Variants in DBH observed in about 807,000 individuals in gnomAD.
DBH encodes the protein dopamine beta-hydroxylase (dopamine beta-monooxygenase).
Under a neutral mutation model 64.0 loss-of-function variants are expected in DBH, and 49 were observed. The ratio of observed to expected loss-of-function variants is 0.77; its 90% CI spans 0.61 to 0.97. The LOEUF (loss-of-function observed/expected upper bound fraction) is 0.97. Ranked by LOEUF, DBH falls within the 50% of genes least tolerant of loss-of-function variation. The pLI is 0.00. For missense variants in DBH, 828 were observed against 826.6 expected (o/e 1.00, Z -0.02); for synonymous variants, 343 against 347.1 (o/e 0.99, Z 0.13).
chr9:133,644,460 C>T (rs1044948728), intron 5 of DBH, 140 bp downstream of exon 5: 62 of 752,022 alleles, frequency 8.2e-5, no homozygotes, highest in Middle Eastern at 2.3e-4. Context: ...TTGCGTCTGC[C>T]TCATCCGCTG....
intron 10 of DBH, 97 bp from the exon 11 acceptor site, chr9:133,656,973 G>C: frequency 7.1e-7 from 1 of 1,409,740 alleles, no homozygotes; most frequent in Non-Finnish European, 1.0e-6. Context: ...GGTTGCCCCA[G>C]GGACAGGACT....
At chr9:133,651,249 C>T (rs1384896877) in intron 6 of DBH, among the ~76,000 whole-genome samples, 4 of 152,264 alleles carry the variant, frequency 2.6e-5, no homozygotes, top group African/African-American at 9.6e-5. Context: ...AGCTCTTCAG[C>T]ACAGAGGCCA....
Position 133,650,551 on chromosome 9 carries a change from C to CTTT in DBH, c.1192-1070_1192-1068dup, listed in dbSNP as rs5901024. Among the ~76,000 whole-genome samples, 688 of 112,390 alleles carry CTTT rather than the reference C, an allele frequency of 6.1e-3. 11 individuals are homozygous for CTTT. The highest frequency in any genetic ancestry group is 0.012 in the East Asian group (48 of 4,160). The allele number at this position is 112,390 out of a possible 152,430, so 73.7% of individuals were successfully genotyped here. On this transcript the variant is annotated intron_variant, in intron 6 of 11. Coordinates refer to ENST00000393056, the MANE Select transcript of DBH (RefSeq NM_000787.4). The stretch of plus-strand genomic sequence containing the variant: ...TTCTCTTTTCTTTCTTCCTTCCTTT[C>CTTT]TTTTTTTTTTTTTTTGATGGAGTTT...
chr9:133,646,998 C>T (rs1832189648), intron 5 of DBH, among the ~76,000 whole-genome samples: 2 of 152,160 alleles, frequency 1.3e-5, no homozygotes, highest in Admixed American at 6.5e-5. Flanking sequence ...TTGGAAGAGG[C>T]CCTTGAGTGT....
intron 5 of DBH, among the ~76,000 whole-genome samples, chr9:133,644,574 G>A (rs3739885): frequency 0.045 from 6,840 of 152,298 alleles, 176 homozygotes; most frequent in Non-Finnish European, 0.063. Context: ...CTCCCTCCTC[G>A]TCCCTATAAT....
chr9:133,644,557 C>G lies in DBH; in HGVS notation c.1024+237C>G, dbSNP rs3739886. Among the ~76,000 whole-genome samples the G allele has an allele frequency of 0.069, 10,529 of 152,290 alleles. 366 individuals carry two copies. Among genetic ancestry groups the G allele is most frequent in the African/African-American group, 0.1 (4,245 of 41,542 alleles). ...AGCTTCGCCAGGGCCCAGCAGTGGC[C>G]CCACACCTCCCTCCTCGTCCCTATA... On this transcript the variant is annotated intron_variant, in intron 5 of 11. Transcript: ENST00000393056.
At chr9:133,656,134 A>C in intron 9 of DBH, 1 of 336,388 alleles carries the variant, frequency 3.0e-6, no homozygotes, top group East Asian at 7.9e-5. Flanking sequence ...GACAGCTTCC[A>C]GACAATGGCC....
intron 2 of DBH, among the ~76,000 whole-genome samples, chr9:133,641,974 T>C (rs1027505226): frequency 1.3e-5 from 2 of 152,098 alleles, no homozygotes; most frequent in African/African-American, 4.8e-5. Flanking sequence ...GTGGAATGTG[T>C]TTAGAAGAGA....
chr9:133,652,420 T>A, intron 8 of DBH, 136 bp downstream of exon 8: 1 of 1,036,708 alleles, frequency 9.6e-7, no homozygotes, highest in Non-Finnish European at 1.5e-6. Context: ...AGGGGGAGGG[T>A]GCCTGTGGGT....
rs917323889 is a variant in DBH, at chr9:133,636,629, G to C, written c.258G>C (p.Leu86=). 4 of 1,613,358 alleles carry C rather than the reference G, an allele frequency of 2.5e-6. No homozygotes were observed. The highest frequency in any genetic ancestry group is 3.4e-6 in the Non-Finnish European group (4 of 1,180,020). Residue 86 remains leucine (L), a synonymous_variant, in exon 1 of 12, where the codon CTG becomes CTC. Transcript: ENST00000393056. ...TGCGGAGGCTCAAGGCTGGCGTCCT[G>C]TTTGGGATGTCCGACCGTGGCGAGC... ...LLVRRLKAGV[L]FGMSDRGELE... is the part of the protein sequence containing the mutation.
rs1832143123 is a variant in DBH at position 133,643,566 on chromosome 9, G to A, written c.898G>A (p.Ala300Thr). ...DRLNYCRHVL[A>T]AWALGAKAFY... ...CCTCAACTACTGCCGCCACGTGCTG[G>A]CCGCCTGGGCCCTGGGTGCCAAGGT... Residue 300 changes from alanine (A) to threonine (T), a missense_variant, in exon 4 of 12, where the codon GCC (alanine) becomes ACC (threonine). Transcript: ENST00000393056. The surrounding 1 kb of genome is among the most constrained non-coding windows in gnomAD (Gnocchi z 5.3). The A allele has an allele frequency of 2.5e-6, 4 of 1,613,328 alleles. No homozygotes were observed. Among genetic ancestry groups the A allele is most frequent in the East Asian group, 4.5e-5 (2 of 44,818 alleles).
chr9:133,648,576 T>TG (rs1252334427), intron 6 of DBH, among the ~76,000 whole-genome samples: 1 of 152,244 alleles, frequency 6.6e-6, no homozygotes, highest in Non-Finnish European at 1.5e-5. Flanking sequence ...TTCCACAGGA[T>TG]GGGGTTTTCA....
At chr9:133,642,781 T>C (rs1296504574) in intron 3 of DBH, among the ~76,000 whole-genome samples, 1 of 152,122 alleles carries the variant, frequency 6.6e-6, no homozygotes, top group African/African-American at 2.4e-5. Flanking sequence ...TCCCCCTTCA[T>C]GAAAAAGCAG....
chr9:133,646,521 T>G (rs563656259), intron 5 of DBH, among the ~76,000 whole-genome samples: 1 of 152,190 alleles, frequency 6.6e-6, no homozygotes, highest in Non-Finnish European at 1.5e-5. Flanking sequence ...CCAGCATCCC[T>G]GAACCTCTGT....
Position 133,656,433 on chromosome 9 carries a change from C to A in DBH, c.1435-90C>A. 3 of 1,565,356 alleles carry A rather than the reference C, an allele frequency of 1.9e-6. 1 individual carries two copies. In the South Asian group the frequency reaches 3.4e-5, roughly 18 times the overall value. On this transcript the variant is annotated intron_variant, in intron 9 of 11. Transcript: ENST00000393056. ...ACGGTGCAGTGAACAGACGAGTGGACGCAGTGTACACGTGGGTGCGGCGAA... is the reference window on the plus strand; with the variant it reads ...ACGGTGCAGTGAACAGACGAGTGGAAGCAGTGTACACGTGGGTGCGGCGAA...
chr9:133,657,946 G>A (rs1430997342), intron 11 of DBH, among the ~76,000 whole-genome samples: 4 of 152,192 alleles, frequency 2.6e-5, no homozygotes, highest in Non-Finnish European at 5.9e-5. Flanking sequence ...TGGGGTGGAC[G>A]TCTGATGGGG....
chr9:133,642,772 C>T (rs1049839222), intron 3 of DBH, among the ~76,000 whole-genome samples: 1 of 152,204 alleles, frequency 6.6e-6, no homozygotes, highest in East Asian at 1.9e-4. Flanking sequence ...CAGGCCACCT[C>T]CCCCTTCATG....
rs565769234 is a variant in DBH, at chr9:133,658,840, C to T, written c.*393C>T. 5.8e-3 allele frequency: 920 copies of T among 158,614 alleles called. 10 individuals are homozygous for T. Among genetic ancestry groups the T allele is most frequent in the Middle Eastern group, 0.021 (7 of 326 alleles). The allele number at this position is 158,614 out of a possible 1,614,324, so 9.8% of individuals were successfully genotyped here. A position where few individuals can be genotyped will look rare whatever the true frequency, so the allele number is the denominator to read the frequency against. On this transcript the variant is annotated 3_prime_UTR_variant, in exon 12 of 12. Coordinates refer to ENST00000393056, the MANE Select transcript of DBH (RefSeq NM_000787.4). ...GGGGTGTGGAATCACCGGGAACGCC[C>T]CCGCCCCCGCCCCGCTGCTCCCGGT...
Position 133,659,050 on chromosome 9 carries a change from C to T in DBH, c.*603C>T, listed in dbSNP as rs1832376001. 1 of 152,208 alleles carries T rather than the reference C, an allele frequency of 6.6e-6. No individual in the cohort carries two copies. Among genetic ancestry groups the T allele is most frequent in the Non-Finnish European group, 1.5e-5 (1 of 68,044 alleles). 9.4% of individuals were successfully genotyped at this position (152,208 alleles called of 1,614,324 possible). A position where few individuals can be genotyped will look rare whatever the true frequency, so the allele number is the denominator to read the frequency against. On this transcript the variant is annotated 3_prime_UTR_variant, in exon 12 of 12. Coordinates refer to ENST00000393056, the MANE Select transcript of DBH (RefSeq NM_000787.4). ...ACCTAAAGGGAAGCCCTGACAACAA[C>T]TATCACCAAAAGACGAGGCGGCAAA...
Sources: gnomAD v4.1 joint callset for allele counts (sites outside exome capture counted in the v4.1 genomes callset) on GRCh38, gnomAD v4.1.1 for gene constraint, Gnocchi (gnomAD v3.1) non-coding constraint, MANE v1.5 for transcripts, NCBI Gene and HGNC (gene_info 2026-07-23, HGNC 2026-07-21) for gene names.